The following MAP4K4 variants were observed in gnomAD, a reference collection of about 807,000 sequenced individuals.
MAP4K4 encodes the protein HPK/GCK-like kinase HGK.
In MAP4K4, 38 loss-of-function variants were observed where a neutral mutation model predicts 189.6. The ratio of observed to expected loss-of-function variants is 0.20; its 90% CI spans 0.15 to 0.26. The LOEUF is 0.26. Ranked by LOEUF, MAP4K4 falls within the 10% of genes least tolerant of loss-of-function variation. MAP4K4 has a pLI of 1.00. For missense variants in MAP4K4, 1,054 were observed against 1,726.9 expected (o/e 0.61, Z 6.91); for synonymous variants, 610 against 624.3 (o/e 0.98, Z 0.34).
intron 2 of MAP4K4, among the ~76,000 whole-genome samples, chr2:101,716,913 G>A (rs1033176397): frequency 2.0e-5 from 3 of 152,008 alleles, no homozygotes; most frequent in African/African-American, 7.3e-5. Flanking sequence ...AAAAAGTTTC[G>A]AGTATTATAA....
At chr2:101,887,629 G>A in intron 30 of MAP4K4, 149 bp from the exon 31 acceptor site, 1 of 589,534 alleles carries the variant, frequency 1.7e-6, no homozygotes, top group Non-Finnish European at 2.9e-6. Context: ...GATATATATT[G>A]CATGACTATT....
At chr2:101,750,836 A>G (rs2068526090) in intron 2 of MAP4K4, among the ~76,000 whole-genome samples, 1 of 152,002 alleles carries the variant, frequency 6.6e-6, no homozygotes, top group Non-Finnish European at 1.5e-5. Flanking sequence ...AAAAAAAAAA[A>G]AAGAAGGAAC....
At chr2:101,701,377 G>A (rs762028655) in intron 2 of MAP4K4, among the ~76,000 whole-genome samples, 2 of 152,296 alleles carry the variant, frequency 1.3e-5, no homozygotes, top group Non-Finnish European at 2.9e-5. Flanking sequence ...GTGTGTGGCA[G>A]TAGGGCTAAG....
chr2:101,811,875 C>T (rs926386711), intron 3 of MAP4K4, among the ~76,000 whole-genome samples: 1 of 152,058 alleles, frequency 6.6e-6, no homozygotes, highest in Non-Finnish European at 1.5e-5. Context: ...ATAAGTTGGG[C>T]AGGTTCCAAC....
chr2:101,763,035 G>T (rs1169448745), intron 2 of MAP4K4, among the ~76,000 whole-genome samples: 1 of 152,140 alleles, frequency 6.6e-6, no homozygotes, highest in Non-Finnish European at 1.5e-5. Context: ...GCTGCAAAGG[G>T]CCCCAGCTCT....
chr2:101,855,052 G>GTGCTT (rs2097405054), intron 12 of MAP4K4, among the ~76,000 whole-genome samples: 1 of 152,224 alleles, frequency 6.6e-6, no homozygotes, highest in African/African-American at 2.4e-5. Flanking sequence ...AGTCTAGCTT[G>GTGCTT]TGCTTTACTG....
intron 24 of MAP4K4, among the ~76,000 whole-genome samples, chr2:101,873,096 G>A (rs1380461766): frequency 1.3e-5 from 2 of 152,084 alleles, no homozygotes. Context: ...TTTGTCATTT[G>A]CACCTTTCAC....
intron 2 of MAP4K4, among the ~76,000 whole-genome samples, chr2:101,769,735 C>T (rs375480104): frequency 6.6e-6 from 1 of 152,028 alleles, no homozygotes; most frequent in East Asian, 1.9e-4. Context: ...AGGTGCCCAC[C>T]ACCACACCCA....
At chr2:101,809,658 TC>T (rs1228562826) in intron 3 of MAP4K4, among the ~76,000 whole-genome samples, 3 of 152,244 alleles carry the variant, frequency 2.0e-5, no homozygotes, top group African/African-American at 7.2e-5. Flanking sequence ...ACTCAAATAT[TC>T]CATCAGTTGC....
chr2:101,827,222 C>T (rs146323095), intron 5 of MAP4K4, among the ~76,000 whole-genome samples: 4 of 152,230 alleles, frequency 2.6e-5, no homozygotes, highest in East Asian at 1.9e-4. Flanking sequence ...CTTTTTGAGA[C>T]GTAGCAAATC....
At chr2:101,777,734 T>C (rs763594706) in intron 2 of MAP4K4, among the ~76,000 whole-genome samples, 1 of 152,212 alleles carries the variant, frequency 6.6e-6, no homozygotes, top group African/African-American at 2.4e-5. Flanking sequence ...TTTGCTTATA[T>C]ACCCCTTCAA....
chr2:101,749,270 C>T (rs1433035659), intron 2 of MAP4K4, among the ~76,000 whole-genome samples: 20 of 151,652 alleles, frequency 1.3e-4, no homozygotes, highest in African/African-American at 4.8e-4. Context: ...TACTACAAGG[C>T]TACAGTAACC....
At chr2:101,777,431 G>C (rs193029324) in intron 2 of MAP4K4, among the ~76,000 whole-genome samples, 2 of 152,200 alleles carry the variant, frequency 1.3e-5, no homozygotes, top group Non-Finnish European at 2.9e-5. Flanking sequence ...AGTGGAGCTA[G>C]CGTATCCCAC....
At chr2:101,717,794 G>A (rs993703854) in intron 2 of MAP4K4, among the ~76,000 whole-genome samples, 20 of 152,164 alleles carry the variant, frequency 1.3e-4, no homozygotes, top group African/African-American at 4.8e-4. Context: ...TGAACAGAAT[G>A]GAGACGGTGA....
Position 101,869,757 on chromosome 2 carries a change from GC to G in MAP4K4, c.2600del (p.Ala867ValfsTer17). 6.3e-7 allele frequency: 1 copy of G among 1,586,192 alleles called. No homozygotes were observed. Among genetic ancestry groups the G allele is most frequent in the Non-Finnish European group, 8.6e-7 (1 of 1,165,824 alleles). ...GGACGACGATGTGGAGCAGGAAGGG[GC>G]TGACGAGTCCACCTCAGGACCAGAG... On this transcript the variant is annotated frameshift_variant, in exon 22 of 33. Transcript: ENST00000324219. LOFTEE classifies it high-confidence loss of function.
chr2:101,859,922 C>T (rs777715814), intron 15 of MAP4K4, 58 bp downstream of exon 15: 60 of 1,488,098 alleles, frequency 4.0e-5, no homozygotes, highest in Non-Finnish European at 5.0e-5. Flanking sequence ...AACGACTCTT[C>T]AGAACTGTGT....
At chr2:101,733,367 A>G (rs2059263789) in intron 2 of MAP4K4, among the ~76,000 whole-genome samples, 1 of 152,226 alleles carries the variant, frequency 6.6e-6, no homozygotes, top group Non-Finnish European at 1.5e-5. Context: ...GAGGTCAGCC[A>G]ATCCATTAGC....
chr2:101,778,709 A>G (rs1162496429), intron 2 of MAP4K4, among the ~76,000 whole-genome samples: 1 of 152,064 alleles, frequency 6.6e-6, no homozygotes. Context: ...GGACATACCA[A>G]TCCCTGACTG....
At chr2:101,848,927 A>G (rs1341601937) in intron 12 of MAP4K4, among the ~76,000 whole-genome samples, 2 of 152,116 alleles carry the variant, frequency 1.3e-5, no homozygotes, top group Non-Finnish European at 2.9e-5. Flanking sequence ...TCCAGGAGGA[A>G]AAGGGGAGAA....
Sources: gnomAD v4.1 joint callset for allele counts (sites outside exome capture counted in the v4.1 genomes callset) on GRCh38, gnomAD v4.1.1 for gene constraint, MANE v1.5 for transcripts, NCBI Gene and HGNC (gene_info 2026-07-23, HGNC 2026-07-21) for gene names.